The following ETNK1 variants were observed in gnomAD, a reference collection of about 807,000 sequenced individuals.
ETNK1 encodes the protein putative protein product of Nbla10396.
ETNK1 carries 8 observed loss-of-function variants against 45.1 expected under a neutral mutation model. The ratio of observed to expected loss-of-function variants is 0.18; its 90% CI spans 0.10 to 0.32. The LOEUF (loss-of-function observed/expected upper bound fraction) is 0.32, where lower values mean the gene tolerates loss of function less well. Among genes scored for constraint, ETNK1 ranks in the 10% least tolerant of loss-of-function variants. ETNK1 has a pLI of 1.00. For missense variants in ETNK1, 302 were observed against 430.6 expected, an observed-to-expected ratio of 0.70 and a Z score of 2.64; for synonymous variants, 152 against 151.9, an observed-to-expected ratio of 1.00 and a Z score of -0.01.
At chr12:22,682,871 C>T (rs1015445967) in intron 6 of ETNK1, among the ~76,000 whole-genome samples, 1 of 152,088 alleles carries the variant, frequency 6.6e-6, no homozygotes, top group African/African-American at 2.4e-5. Context: ...ATGGGTTCAT[C>T]GACCACTTTA....
chr12:22,642,693 T>C (rs566830288), intron 1 of ETNK1, among the ~76,000 whole-genome samples: 1 of 152,184 alleles, frequency 6.6e-6, no homozygotes, highest in Admixed American at 6.6e-5. Context: ...GTTAAATGTA[T>C]ATACATACTT....
At chr12:22,656,310 A>G (rs1953940045) in intron 2 of ETNK1, 2 of 615,330 alleles carry the variant, frequency 3.3e-6, no homozygotes, top group South Asian at 7.3e-5. Context: ...ATGAACTTCA[A>G]AATACTTTAT....
At chr12:22,660,979 G>T in intron 3 of ETNK1, 84 bp from the exon 4 acceptor site, 1 of 1,181,856 alleles carries the variant, frequency 8.5e-7, no homozygotes. Flanking sequence ...AAATTGAAGG[G>T]ATTTATTCAA....
rs1014870983 is a variant in ETNK1, at chr12:22,686,812, C to G, written c.*1858C>G. The G allele has an allele frequency of 3.1e-5, 4 of 130,394 alleles. No homozygotes were observed. The highest frequency in any genetic ancestry group is 2.4e-4 in the East Asian group (1 of 4,236). 8.1% of individuals were successfully genotyped at this position (130,394 alleles called of 1,614,324 possible). A position where few individuals can be genotyped will look rare whatever the true frequency, so the allele number is the denominator to read the frequency against. On this transcript the variant is annotated 3_prime_UTR_variant, in exon 8 of 8. Coordinates refer to ENST00000266517, the MANE Select transcript of ETNK1 (RefSeq NM_018638.5). ...GTGGAATTTTTGTCTGTGGTTAGAA[C>G]ATTTTCATAAAACAGATAAAGAATG...
At chr12:22,655,038 C>T (rs1319522240) in intron 2 of ETNK1, among the ~76,000 whole-genome samples, 1 of 152,180 alleles carries the variant, frequency 6.6e-6, no homozygotes, top group Non-Finnish European at 1.5e-5. Context: ...GGTGAGATCT[C>T]AGCTCACTGA....
chr12:22,657,148 C>T (rs1428006414), intron 2 of ETNK1, among the ~76,000 whole-genome samples: 3 of 152,080 alleles, frequency 2.0e-5, no homozygotes, highest in Non-Finnish European at 2.9e-5. Context: ...ATATATGAGA[C>T]TAACATAAAA....
intron 2 of ETNK1, among the ~76,000 whole-genome samples, chr12:22,649,895 GA>G (rs1333772188): frequency 6.6e-5 from 10 of 152,040 alleles, no homozygotes; most frequent in African/African-American, 2.4e-4. Flanking sequence ...ATCAAATTGG[GA>G]AGAACTGACA....
intron 6 of ETNK1, among the ~76,000 whole-genome samples, chr12:22,677,206 C>A (rs1301053639): frequency 1.3e-5 from 2 of 152,074 alleles, no homozygotes; most frequent in Non-Finnish European, 2.9e-5. Context: ...AGGAAGGGGT[C>A]CAGTTTCAGT....
At chr12:22,673,787 C>G in intron 6 of ETNK1, 127 bp downstream of exon 6, 1 of 963,416 alleles carries the variant, frequency 1.0e-6, no homozygotes, top group Non-Finnish European at 1.5e-6. Context: ...AATGTAAATA[C>G]ATGACCATTT....
chr12:22,676,521 C>T (rs974469638), intron 6 of ETNK1, among the ~76,000 whole-genome samples: 1 of 151,980 alleles, frequency 6.6e-6, no homozygotes, highest in Non-Finnish European at 1.5e-5. Flanking sequence ...TGGGTATATA[C>T]CCAGTAATGG....
chr12:22,680,311 C>T (rs909955140), intron 6 of ETNK1, among the ~76,000 whole-genome samples: 2 of 152,014 alleles, frequency 1.3e-5, no homozygotes, highest in East Asian at 1.9e-4. Context: ...TTTTGTTTTT[C>T]CTGTCTTTCA....
At chr12:22,651,045 G>A (rs1953868315) in intron 2 of ETNK1, among the ~76,000 whole-genome samples, 1 of 152,246 alleles carries the variant, frequency 6.6e-6, no homozygotes, top group South Asian at 2.1e-4. Context: ...AAGTTTAATA[G>A]GCAAAAGAAA....
chr12:22,679,836 C>T (rs1954197086), intron 6 of ETNK1, among the ~76,000 whole-genome samples: 1 of 151,764 alleles, frequency 6.6e-6, no homozygotes, highest in South Asian at 2.1e-4. Flanking sequence ...GGAGTACAGG[C>T]GTTTGCCGCC....
chr12:22,667,110 A>G (rs1437273025), intron 4 of ETNK1, among the ~76,000 whole-genome samples: 1 of 152,220 alleles, frequency 6.6e-6, no homozygotes, highest in Non-Finnish European at 1.5e-5. Flanking sequence ...TAAGTCAGAT[A>G]ATAAAAAACT....
At chr12:22,648,817 G>T (rs1308182415) in intron 2 of ETNK1, among the ~76,000 whole-genome samples, 1 of 152,026 alleles carries the variant, frequency 6.6e-6, no homozygotes, top group African/African-American at 2.4e-5. Context: ...CAGAATGGCT[G>T]TGCTATTTTA....
intron 2 of ETNK1, chr12:22,644,681 C>T (rs1157794509): frequency 6.5e-6 from 1 of 153,386 alleles, no homozygotes; most frequent in East Asian, 1.9e-4. Flanking sequence ...TCAATATTTA[C>T]CATATTAGAT....
chr12:22,679,856 T>TA (rs767049314), intron 6 of ETNK1, among the ~76,000 whole-genome samples: 1 of 152,140 alleles, frequency 6.6e-6, no homozygotes, highest in Non-Finnish European at 1.5e-5. Context: ...CACACCCAGC[T>TA]AATTTTTGTA....
At chr12:22,647,914 GA>G (rs1458361356) in intron 2 of ETNK1, among the ~76,000 whole-genome samples, 1 of 151,874 alleles carries the variant, frequency 6.6e-6, no homozygotes, top group Non-Finnish European at 1.5e-5. Context: ...CGCTTACTGA[GA>G]CAAGGTAGGA....
In ETNK1 at chr12:22,676,709, C is replaced by T. The variant is rs1168930293; in HGVS notation, c.945+3049C>T. Among the ~76,000 whole-genome samples, 4 of 151,888 alleles carry T rather than the reference C, an allele frequency of 2.6e-5. 1 individual carries two copies. The highest frequency in any genetic ancestry group is 4.1e-4 in the South Asian group (2 of 4,820). ...TTTTAATGATCACCATTCTAACTGG[C>T]GTGAAATGGTATCTATCTCATTGTG... On this transcript the variant is annotated intron_variant, in intron 6 of 7. Coordinates refer to ENST00000266517, the MANE Select transcript of ETNK1 (RefSeq NM_018638.5).
Sources: gnomAD v4.1 joint callset for allele counts (sites outside exome capture counted in the v4.1 genomes callset) on GRCh38, gnomAD v4.1.1 for gene constraint, MANE v1.5 for transcripts, NCBI Gene and HGNC (gene_info 2026-07-23, HGNC 2026-07-21) for gene names.